GRK1: variants seen among roughly 807,000 people sequenced by gnomAD.
GRK1 encodes the protein rhodopsin kinase GRK1.
GRK1 carries 28 observed loss-of-function variants against 41.7 expected under a neutral mutation model. That is an observed-to-expected ratio of 0.67 (90% confidence interval 0.50 to 0.92). GRK1 has a LOEUF of 0.92. GRK1 is among the 40% of genes least tolerant of loss of function. The probability of loss-of-function intolerance (pLI) is 0.00; values close to 1 mark genes in which losing one functional copy is unlikely to be tolerated. For synonymous variants in GRK1, 327 were observed against 286.7 expected (o/e 1.14, Z -1.42); for missense variants, 703 against 671.2 (o/e 1.05, Z -0.52).
chr13:113,660,731 T>C, the GRK1 span, among the ~76,000 whole-genome samples: 3 of 152,156 alleles, frequency 2.0e-5, no homozygotes, highest in Admixed American at 1.3e-4. Context: ...AGACAATATA[T>C]GCCAACACCA....
chr13:113,732,700 G>C (rs984621531), intron 5 of GRK1, among the ~76,000 whole-genome samples, 184 bp from the exon 6 acceptor site: 1 of 152,178 alleles, frequency 6.6e-6, no homozygotes, highest in Non-Finnish European at 1.5e-5. Context: ...TGGGAGCTTC[G>C]CCTTTAGGAT....
At chr13:113,733,355 TCCA>T in intron 6 of GRK1, among the ~76,000 whole-genome samples, 1 of 152,294 alleles carries the variant, frequency 6.6e-6, no homozygotes, top group South Asian at 2.1e-4. Context: ...ACCCAAACCT[TCCA>T]CCACGTCCCC....
the GRK1 span, among the ~76,000 whole-genome samples, chr13:113,659,929 T>C: frequency 6.6e-6 from 1 of 152,186 alleles, no homozygotes. Flanking sequence ...AGGGTATAGA[T>C]GCTCTTGAAA....
intron 6 of GRK1, among the ~76,000 whole-genome samples, chr13:113,733,564 T>C (rs1359891665): frequency 6.6e-6 from 1 of 150,758 alleles, no homozygotes; most frequent in African/African-American, 2.5e-5. Context: ...CGTGTGTCCA[T>C]GTATGTGTAT....
the GRK1 span, among the ~76,000 whole-genome samples, chr13:113,655,171 C>T: frequency 1.2e-4 from 19 of 152,308 alleles, no homozygotes; most frequent in South Asian, 3.7e-3. Flanking sequence ...TCTGGACGTC[C>T]ACATAGGCAG....
At chr13:113,733,672 C>CTGTGCGTGT (rs1555361153) in intron 6 of GRK1, among the ~76,000 whole-genome samples, 2 of 89,104 alleles carry the variant, frequency 2.2e-5, no homozygotes, top group African/African-American at 7.8e-5. Flanking sequence ...CGTGTGTGCA[C>CTGTGCGTGT]GTGTGTGCAT....
upstream of GRK1, among the ~76,000 whole-genome samples, chr13:113,666,386 TCAGGTGTGCCCCAGGTATGTTG>T (rs2049819374): frequency 6.7e-6 from 1 of 148,648 alleles, no homozygotes; most frequent in South Asian, 2.2e-4. Context: ...GTCCCAGGTC[TCAGGTGTGCCCCAGGTATGTTG>T]CAGGTGTTCC....
chr13:113,730,702 C>T (rs1311159707), intron 4 of GRK1, among the ~76,000 whole-genome samples: 1 of 152,236 alleles, frequency 6.6e-6, no homozygotes, highest in African/African-American at 2.4e-5. Flanking sequence ...CCATAGCACT[C>T]CTGGGTCACC....
the GRK1 span, among the ~76,000 whole-genome samples, chr13:113,660,820 C>T: frequency 2.0e-5 from 3 of 152,192 alleles, no homozygotes; most frequent in East Asian, 3.8e-4. Flanking sequence ...CAATTACAAA[C>T]AAGCCTGAAA....
In GRK1 at chr13:113,671,347, C is replaced by T. The variant is rs371974432; in HGVS notation, c.828-152C>T. On this transcript the variant is annotated intron_variant, in intron 2 of 6. Coordinates refer to ENST00000335678, the MANE Select transcript of GRK1 (RefSeq NM_002929.3). The surrounding 1 kb of genome is among the most constrained non-coding windows in gnomAD (Gnocchi z 4.1). ...TAACGCCGCCAGCCACCATGGCCTT[C>T]GGGTGTCCTCTGCAGGGACGTAGGG... Among the ~76,000 whole-genome samples, 149 of 152,266 alleles carry T rather than the reference C, an allele frequency of 9.8e-4. No individual in the cohort carries two copies. The highest frequency in any genetic ancestry group is 3.4e-3 in the African/African-American group (141 of 41,554).
Position 113,735,363 on chromosome 13 carries a change from G to C in GRK1, c.1692G>C (p.Ter564TyrextTer30), listed in dbSNP as rs1346292099. 1 of 1,491,644 alleles carries C rather than the reference G, an allele frequency of 6.7e-7. No individual in the cohort carries two copies. Among genetic ancestry groups the C allele is most frequent in the Admixed American group, 2.1e-5 (1 of 46,620 alleles). 92.4% of individuals were successfully genotyped at this position (1,491,644 alleles called of 1,614,324 possible). A position where few individuals can be genotyped will look rare whatever the true frequency, so the allele number is the denominator to read the frequency against. ...AGTCAGGGATGTGTCTGGTTTCCTA[G>C]GTGACGCCCCAGAGTCCACGTGGAG... ...SSKSGMCLVS[*>Y] Residue 564 changes from the stop codon to tyrosine (Y), a stop_lost, in exon 7 of 7, where the codon TAG becomes TAC. Transcript: ENST00000335678.
rs901347400 is a variant in GRK1, at chr13:113,733,021, G to A, written c.1332G>A (p.Glu444=). 1.3e-6 allele frequency: 2 copies of A among 1,536,994 alleles called. No individual in the cohort carries two copies. Among genetic ancestry groups the A allele is most frequent in the Admixed American group, 2.0e-5 (1 of 50,982 alleles). The part of the protein sequence containing the change: ...DPEKRLGFRD[E]TCDKLRAHPL... The stretch of plus-strand genomic sequence containing the variant: ...AGAAGCGCCTGGGGTTCAGAGATGA[G>A]ACCTGCGACAAGCTCCGTGCCCACC... The change falls in exon 6 of 7, where the codon GAG becomes GAA. Residue 444 remains glutamate, a synonymous_variant. Coordinates refer to ENST00000335678, the MANE Select transcript of GRK1 (RefSeq NM_002929.3).
upstream of GRK1, among the ~76,000 whole-genome samples, chr13:113,664,884 C>T (rs1333668662): frequency 1.3e-5 from 2 of 152,230 alleles, no homozygotes; most frequent in Admixed American, 6.5e-5. The surrounding 1 kb of genome is among the most constrained non-coding windows in gnomAD (Gnocchi z 5.4). Context: ...AAGGAGTTAA[C>T]GTGATCCGCC....
the GRK1 span, among the ~76,000 whole-genome samples, chr13:113,660,980 C>T: frequency 3.3e-5 from 5 of 152,268 alleles, no homozygotes; most frequent in South Asian, 4.2e-4. Flanking sequence ...AGCATGGATA[C>T]GGAAGAACTC....
At chr13:113,659,896 G>A in the GRK1 span, among the ~76,000 whole-genome samples, 1 of 152,206 alleles carries the variant, frequency 6.6e-6, no homozygotes, top group Non-Finnish European at 1.5e-5. Flanking sequence ...ACAACACCTG[G>A]ATGCAGCAAC....
upstream of GRK1, among the ~76,000 whole-genome samples, chr13:113,662,451 G>A (rs920267320): frequency 6.6e-6 from 1 of 152,172 alleles, no homozygotes; most frequent in Non-Finnish European, 1.5e-5. Context: ...TCTAGCTAGA[G>A]CAATGAACAA....
At chr13:113,649,493 T>G in the GRK1 span, 1 of 1,550,716 alleles carries the variant, frequency 6.4e-7, no homozygotes. This position sits in a 1 kb window ranked among gnomAD's most constrained non-coding sequence, Gnocchi z 4.7. Context: ...TTCCTGGGGA[T>G]GTTGAGGAGC....
intron 6 of GRK1, among the ~76,000 whole-genome samples, chr13:113,733,660 TGC>T (rs1555361145): frequency 4.0e-4 from 40 of 100,192 alleles, no homozygotes; most frequent in Admixed American, 1.1e-3. Context: ...TACGTGTGTG[TGC>T]GTGTGTGCAC....
intron 4 of GRK1, among the ~76,000 whole-genome samples, chr13:113,724,738 G>A (rs2049880529): frequency 6.6e-6 from 1 of 152,216 alleles, no homozygotes; most frequent in Non-Finnish European, 1.5e-5. Flanking sequence ...CATGGCTCAA[G>A]GAAGCCTCGG....
Sources: allele counts gnomAD v4.1 joint callset (sites outside exome capture counted in the v4.1 genomes callset), GRCh38; gene constraint gnomAD v4.1.1; non-coding constraint Gnocchi (gnomAD v3.1); transcripts MANE v1.5; gene names NCBI Gene and HGNC (gene_info 2026-07-23, HGNC 2026-07-21).